CHODL: variants seen among roughly 807,000 people sequenced by gnomAD.
The protein encoded by CHODL is chondrolectin, also known as transmembrane protein MT75.
A neutral mutation model predicts 34.5 loss-of-function variants in CHODL; 29 were observed. That is an observed-to-expected ratio of 0.84 (90% CI 0.63 to 1.15). CHODL has a LOEUF of 1.15. CHODL is among the 50% of genes most tolerant of loss of function. The pLI, the probability that CHODL is intolerant of heterozygous loss-of-function variation, is 0.00. For missense variants in CHODL, 332 were observed against 332.5 expected (o/e 1.00, Z 0.01); for synonymous variants, 125 against 116.1 (o/e 1.08, Z -0.49).
At chr21:18,109,622 G>GT (rs1206526833) in intron 2 of CHODL, among the ~76,000 whole-genome samples, 1 of 151,700 alleles carries the variant, frequency 6.6e-6, no homozygotes, top group East Asian at 1.9e-4. Context: ...TTACATGCTT[G>GT]TTTTTTTTCC....
At chr21:18,142,423 T>C (rs998129619) in intron 2 of CHODL, among the ~76,000 whole-genome samples, 1 of 152,158 alleles carries the variant, frequency 6.6e-6, no homozygotes, top group Non-Finnish European at 1.5e-5. Context: ...GAATTAGAAG[T>C]GGTATTTTCT....
chr21:17,984,679 C>T (rs970433798), intron 1 of CHODL, among the ~76,000 whole-genome samples: 4 of 151,770 alleles, frequency 2.6e-5, no homozygotes, highest in African/African-American at 9.7e-5. Context: ...TTTTGCCTTT[C>T]GTATCATGTG....
At position 17,927,116 on chromosome 21, in the gene CHODL, GTATATATGTA is replaced by G. The variant is rs1213606824; in HGVS notation, c.-145+9732_-145+9741del. On this transcript the variant is annotated intron_variant, in intron 1 of 6. Transcript: ENST00000400127. ...TGTATATCTGTGTGTATGTATATAT[GTATATATGTA>G]TATATATGTATATATGTATATATGT... 9.8e-3 allele frequency among the ~76,000 whole-genome samples: 1,301 copies of G among 133,024 alleles called. 35 individuals are homozygous for G. Among genetic ancestry groups the G allele is most frequent in the African/African-American group, 0.039 (1,239 of 31,956 alleles). 87.3% of individuals were successfully genotyped at this position (133,024 alleles called of 152,430 possible). A position where few individuals can be genotyped will look rare whatever the true frequency, so the allele number is the denominator to read the frequency against.
At chr21:17,922,248 A>G (rs2063188947) in intron 1 of CHODL, among the ~76,000 whole-genome samples, 1 of 151,734 alleles carries the variant, frequency 6.6e-6, no homozygotes, top group Non-Finnish European at 1.5e-5. Flanking sequence ...AACCCAACAG[A>G]TGGAAAATTG....
chr21:18,104,535 T>A (rs547730344), intron 2 of CHODL, among the ~76,000 whole-genome samples: 139 of 152,254 alleles, frequency 9.1e-4, no homozygotes, highest in Non-Finnish European at 1.0e-3. Context: ...GAAAACAAAC[T>A]AATAAAATAT....
At chr21:18,078,583 CATACTT>C (rs2064895641) in intron 2 of CHODL, among the ~76,000 whole-genome samples, 1 of 152,154 alleles carries the variant, frequency 6.6e-6, no homozygotes, top group Non-Finnish European at 1.5e-5. Flanking sequence ...TTTCTTTTCT[CATACTT>C]AGAACTTATT....
intron 2 of CHODL, among the ~76,000 whole-genome samples, chr21:18,217,279 T>C (rs145897531): frequency 1.2e-4 from 18 of 152,256 alleles, no homozygotes; most frequent in African/African-American, 4.1e-4. Flanking sequence ...GAGTAATTCA[T>C]ATGGGAAAGA....
rs758321569 is a variant in CHODL at position 18,262,775 on chromosome 21, CTG to C, written c.635-14_635-13del. On this transcript the variant is annotated splice_polypyrimidine_tract_variant and intron_variant, in intron 4 of 5. Transcript: ENST00000299295. ...CCTCAACTATCTTTTCACATGAAGA[CTG>C]TTTTATTTTGTAGGTATAATTCCCA... 4 of 1,336,382 alleles carry C rather than the reference CTG, an allele frequency of 3.0e-6. No homozygotes were observed. The East Asian group carries it at 9.2e-5, about 31-fold the overall frequency. The allele number at this position is 1,336,382 out of a possible 1,614,324, so 82.8% of individuals were successfully genotyped here.
intron 2 of CHODL, among the ~76,000 whole-genome samples, chr21:18,068,260 G>A (rs1255333974): frequency 4.6e-5 from 7 of 150,824 alleles, no homozygotes; most frequent in Non-Finnish European, 7.4e-5. Flanking sequence ...GCAGTGGTGC[G>A]GTCTCAGCTC....
chr21:18,073,942 A>G (rs1384275142), intron 2 of CHODL, among the ~76,000 whole-genome samples: 1 of 152,100 alleles, frequency 6.6e-6, no homozygotes, highest in African/African-American at 2.4e-5. Flanking sequence ...ATTTCATAAC[A>G]TTTAGCTTGG....
intron 2 of CHODL, among the ~76,000 whole-genome samples, chr21:18,198,841 G>C (rs1334577872): frequency 6.6e-6 from 1 of 152,070 alleles, no homozygotes; most frequent in Non-Finnish European, 1.5e-5. Flanking sequence ...CCCAAAGTAA[G>C]AGAGTGGAAA....
At chr21:18,117,880 A>G (rs955402267) in intron 2 of CHODL, among the ~76,000 whole-genome samples, 10 of 152,326 alleles carry the variant, frequency 6.6e-5, no homozygotes, top group African/African-American at 2.4e-4. Context: ...AAAAAGTTAA[A>G]GAAAAATTCT....
chr21:18,103,157 A>C (rs1177534635), intron 2 of CHODL, among the ~76,000 whole-genome samples: 1 of 152,186 alleles, frequency 6.6e-6, no homozygotes, highest in Admixed American at 6.5e-5. Flanking sequence ...AGAAATAATA[A>C]GATTTAATTC....
At chr21:18,237,585 T>C (rs1300401359) in intron 2 of CHODL, among the ~76,000 whole-genome samples, 1 of 152,144 alleles carries the variant, frequency 6.6e-6, no homozygotes, top group Non-Finnish European at 1.5e-5. Flanking sequence ...GCAGTTCTTA[T>C]TATACATCCC....
At chr21:18,261,201 G>T (rs1428712542) in intron 4 of CHODL, among the ~76,000 whole-genome samples, 2 of 152,124 alleles carry the variant, frequency 1.3e-5, no homozygotes, top group Non-Finnish European at 2.9e-5. Flanking sequence ...TAAATGCATA[G>T]TTCTTGAATT....
intron 1 of CHODL, among the ~76,000 whole-genome samples, chr21:17,945,198 C>T (rs1418295978): frequency 4.2e-5 from 5 of 118,150 alleles, no homozygotes; most frequent in Admixed American, 1.9e-4. Context: ...GGCAATGGAG[C>T]GAGACTCTGT....
At chr21:18,062,930 A>C (rs773599943) in intron 2 of CHODL, among the ~76,000 whole-genome samples, 12 of 152,180 alleles carry the variant, frequency 7.9e-5, no homozygotes, top group Middle Eastern at 3.2e-3. Context: ...AGCCTTTTTT[A>C]AAAAACCATC....
At chr21:18,019,390 A>G (rs1422245544) in intron 1 of CHODL, among the ~76,000 whole-genome samples, 1 of 152,090 alleles carries the variant, frequency 6.6e-6, no homozygotes, top group Admixed American at 6.5e-5. Flanking sequence ...TAGAATGAAT[A>G]AGATCTAATA....
chr21:17,935,512 T>C (rs1272611568), intron 1 of CHODL, among the ~76,000 whole-genome samples: 3 of 152,236 alleles, frequency 2.0e-5, no homozygotes, highest in African/African-American at 7.2e-5. Context: ...AGACAAATTG[T>C]ACATTGTTTC....
Sources: allele counts gnomAD v4.1 joint callset (sites outside exome capture counted in the v4.1 genomes callset), GRCh38; gene constraint gnomAD v4.1.1; transcripts MANE v1.5; gene names NCBI Gene and HGNC (gene_info 2026-07-23, HGNC 2026-07-21).